Variants in TJP3 observed in about 807,000 individuals in gnomAD.
The protein encoded by TJP3 is tight junction protein 3, also known as tight junction protein ZO-3.
A neutral mutation model predicts 104.2 loss-of-function variants in TJP3; 85 were observed. That is an observed-to-expected ratio of 0.82 (90% CI 0.68 to 0.98). The LOEUF (loss-of-function observed/expected upper bound fraction) is 0.98. Among genes scored for constraint, TJP3 ranks in the 50% least tolerant of loss-of-function variants. TJP3 has a pLI of 0.00. For synonymous variants in TJP3, 550 were observed against 550.6 expected, an observed-to-expected ratio of 1.00 and a Z score of 0.02; for missense variants, 1,367 against 1,322.8, an observed-to-expected ratio of 1.03 and a Z score of -0.52.
chr19:3,723,886 G>C (rs2036569786), intron 1 of TJP3, among the ~76,000 whole-genome samples: 1 of 151,632 alleles, frequency 6.6e-6, no homozygotes, highest in Non-Finnish European at 1.5e-5. Context: ...TAGCTAGGTG[G>C]TCAGGGAGGA....
chr19:3,729,791 A>AAG (rs930483652), intron 3 of TJP3, among the ~76,000 whole-genome samples: 12 of 151,466 alleles, frequency 7.9e-5, no homozygotes, highest in African/African-American at 2.9e-4. Context: ...CAAAAAAAAA[A>AAG]AAAAAAATGT....
chr19:3,709,618 G>A (rs572365419), intron 1 of TJP3, among the ~76,000 whole-genome samples: 116 of 152,304 alleles, frequency 7.6e-4, no homozygotes, highest in African/African-American at 2.7e-3. Flanking sequence ...CCCCGGGGCC[G>A]AGGAGGCATG....
At chr19:3,710,852 C>T (rs1056074528) in intron 1 of TJP3, among the ~76,000 whole-genome samples, 3 of 152,224 alleles carry the variant, frequency 2.0e-5, no homozygotes, top group Middle Eastern at 3.4e-3. Context: ...GTAATGGAGC[C>T]AATGGCTGCA....
chr19:3,730,083 G>T lies in TJP3; in HGVS notation c.214G>T (p.Ala72Ser). 1 of 1,614,088 alleles carries T rather than the reference G, an allele frequency of 6.2e-7. No homozygotes were observed. The highest frequency in any genetic ancestry group is 1.1e-5 in the South Asian group (1 of 91,082). The change falls in exon 4 of 21, where the codon GCG becomes TCG. Residue 72 changes from alanine (A) to serine (S), a missense_variant. Ala to Ser is a moderately conservative substitution (Grantham distance 99). Transcript: ENST00000541714. The surrounding 1 kb of genome is among the most constrained non-coding windows in gnomAD (Gnocchi z 7.3). ...NGVSMENATSAFAIQILKTCT... is the reference protein window; with the variant it reads ...NGVSMENATSSFAIQILKTCT... ...GGTTTCCATGGAGAATGCCACCTCC[G>T]CGTTTGCCATTCAGATACTCAAGAC... is the stretch of plus-strand genomic sequence containing the variant.
chr19:3,741,664 CCTT>C (rs1212983081), intron 14 of TJP3, among the ~76,000 whole-genome samples: 9 of 151,358 alleles, frequency 5.9e-5, no homozygotes, highest in African/African-American at 1.5e-4. Context: ...TAACCACTCT[CCTT>C]CTATCAAAAA....
intron 6 of TJP3, among the ~76,000 whole-genome samples, chr19:3,732,764 C>T (rs1194962943): frequency 1.3e-5 from 2 of 152,184 alleles, no homozygotes; most frequent in Admixed American, 1.3e-4. Flanking sequence ...CCCGCTCGGC[C>T]TCCCAACGTG....
In TJP3 at chr19:3,735,574, C is replaced by T; in HGVS notation, c.995C>T (p.Pro332Leu). 6.2e-7 allele frequency: 1 copy of T among 1,614,170 alleles called. No individual in the cohort carries two copies. The highest frequency in any genetic ancestry group is 8.5e-7 in the Non-Finnish European group (1 of 1,180,036). ...AATCTGTTCCCCACCAGGGAGAGTC[C>T]CCGGCTTCGGCGGGAAAGTTCAGTA... is the stretch of plus-strand genomic sequence containing the variant. ...ASQTDSPVES[P>L]RLRRESSVDS... Residue 332 changes from proline (P) to leucine (L), a missense_variant, in exon 9 of 21, where the codon CCC becomes CTC. By Grantham distance (98) the Pro-to-Leu change is moderately conservative. Transcript: ENST00000541714.
chr19:3,733,991 G>C, intron 7 of TJP3, 79 bp downstream of exon 7: 1 of 1,537,594 alleles, frequency 6.5e-7, no homozygotes, highest in Non-Finnish European at 8.8e-7. Flanking sequence ...CAGGGCCAAG[G>C]AATCAATGAG....
intron 1 of TJP3, among the ~76,000 whole-genome samples, chr19:3,716,067 C>T (rs2036474407): frequency 6.7e-6 from 1 of 148,332 alleles, no homozygotes; most frequent in African/African-American, 2.4e-5. Context: ...GCGTGAGCCA[C>T]CACGCCCGAC....
intron 1 of TJP3, among the ~76,000 whole-genome samples, chr19:3,728,045 GT>G (rs1160983032): frequency 6.6e-6 from 1 of 152,164 alleles, no homozygotes; most frequent in Non-Finnish European, 1.5e-5. Flanking sequence ...TTAAAGGCCA[GT>G]CTGGCCAATG....
In TJP3 at chr19:3,716,801, A is replaced by AC. The variant is rs2036481668; in HGVS notation, c.-10+8240_-10+8241insC. Among the ~76,000 whole-genome samples the AC allele has an allele frequency of 8.5e-5, 7 of 81,972 alleles. No homozygotes were observed. The Admixed American group carries it at 1.1e-3, about 13-fold the overall frequency. The allele number at this position is 81,972 out of a possible 152,430, so 53.8% of individuals were successfully genotyped here. On this transcript the variant is annotated intron_variant, in intron 1 of 20. Transcript: ENST00000541714. ...CATACATATATATATATATATATAT[A>AC]TTTTTTTTTTTTTTTTGAAACAGAG...
chr19:3,748,827 G>A (rs2036944570), intron 19 of TJP3, among the ~76,000 whole-genome samples: 2 of 144,588 alleles, frequency 1.4e-5, no homozygotes, highest in Non-Finnish European at 3.0e-5. Context: ...GGGATTACAG[G>A]TGTGAGCCAC....
intron 1 of TJP3, among the ~76,000 whole-genome samples, chr19:3,727,384 G>C (rs575170741): frequency 1.3e-5 from 2 of 151,144 alleles, no homozygotes; most frequent in South Asian, 4.2e-4. Context: ...TTGGGATGCT[G>C]AGGCAGGAGA....
At position 3,743,980 on chromosome 19, in the gene TJP3, G is replaced by T. The variant is rs377123957; in HGVS notation, c.1885G>T (p.Asp629Tyr). 6.2e-7 allele frequency: 1 copy of T among 1,614,028 alleles called. No homozygotes were observed. The highest frequency in any genetic ancestry group is 8.5e-7 in the Non-Finnish European group (1 of 1,180,032). Residue 629 changes from aspartate (D) to tyrosine (Y), a missense_variant, in exon 15 of 21, where the codon GAC (aspartate) becomes TAC (tyrosine). Transcript: ENST00000541714. ...GGTAGTGATCCTGGGACCCGTGGCC[G>T]ACATTGCTATGCAGAAGTTGACTGC... The part of the protein sequence containing the change: ...RPVVILGPVA[D>Y]IAMQKLTAEM...
intron 10 of TJP3, 25 bp downstream of exon 10, chr19:3,735,960 C>G (rs776224978): frequency 3.1e-6 from 5 of 1,613,688 alleles, no homozygotes; most frequent in Non-Finnish European, 4.2e-6. Context: ...AGAAAGCAAA[C>G]CCGCTCAAAA....
At position 3,723,808 on chromosome 19, in the gene TJP3, A is replaced by AAAAT. The variant is rs368301716; in HGVS notation, c.-9-4615_-9-4614insAATA. On this transcript the variant is annotated intron_variant, in intron 1 of 20. Transcript: ENST00000541714. ...ACTCTGTCTCAAAAGAAAAAAAAAA[A>AAAAT]ATATATATATATATATATATAAAAT... Among the ~76,000 whole-genome samples, 1,058 of 128,886 alleles carry AAAAT rather than the reference A, an allele frequency of 8.2e-3. 6 individuals carry two copies. Among genetic ancestry groups the AAAAT allele is most frequent in the South Asian group, 0.018 (73 of 3,982 alleles). The allele number at this position is 128,886 out of a possible 152,430, so 84.6% of individuals were successfully genotyped here.
At chr19:3,726,173 A>C (rs2036594184) in intron 1 of TJP3, among the ~76,000 whole-genome samples, 1 of 152,074 alleles carries the variant, frequency 6.6e-6, no homozygotes, top group South Asian at 2.1e-4. Flanking sequence ...CTCCCTCCCC[A>C]CTCCCTCCAC....
chr19:3,741,915 A>G (rs1299055144), intron 14 of TJP3, among the ~76,000 whole-genome samples: 1 of 152,164 alleles, frequency 6.6e-6, no homozygotes, highest in Non-Finnish European at 1.5e-5. Context: ...GGTTGCAGTG[A>G]GCGGAGATCA....
chr19:3,710,142 C>CT (rs2036420117), intron 1 of TJP3, among the ~76,000 whole-genome samples: 2 of 104,024 alleles, frequency 1.9e-5, no homozygotes, highest in African/African-American at 7.8e-5. Context: ...GAGTGAGACT[C>CT]TGTCTCAAAA....
Sources: allele counts gnomAD v4.1 joint callset (sites outside exome capture counted in the v4.1 genomes callset), GRCh38; gene constraint gnomAD v4.1.1; non-coding constraint Gnocchi (gnomAD v3.1); transcripts MANE v1.5; gene names NCBI Gene and HGNC (gene_info 2026-07-23, HGNC 2026-07-21).